Variants in SND1 observed in about 807,000 individuals in gnomAD.
The protein encoded by SND1 is staphylococcal nuclease and tudor domain containing 1.
A neutral mutation model predicts 121.7 loss-of-function variants in SND1; 38 were observed. That is an observed-to-expected ratio of 0.31 (90% CI 0.24 to 0.41). The LOEUF is 0.41. Among genes scored for constraint, SND1 ranks in the 10% least tolerant of loss-of-function variants. SND1 has a pLI of 1.00. For synonymous variants in SND1, 401 were observed against 447.4 expected (o/e 0.90, Z 1.31); for missense variants, 868 against 1,184.6 (o/e 0.73, Z 3.92).
chr7:128,011,780 AT>A (rs1410878388), intron 16 of SND1, among the ~76,000 whole-genome samples: 1 of 152,208 alleles, frequency 6.6e-6, no homozygotes, highest in Admixed American at 6.5e-5. Flanking sequence ...AAATGAACAT[AT>A]TTTTTAGAGA....
intron 12 of SND1, among the ~76,000 whole-genome samples, chr7:127,882,007 C>A (rs1334754913): frequency 6.6e-6 from 1 of 152,112 alleles, no homozygotes; most frequent in East Asian, 1.9e-4. Flanking sequence ...AATCTCAGCA[C>A]TTTGGGAGGC....
At chr7:127,699,817 A>G (rs192073606) in intron 4 of SND1, among the ~76,000 whole-genome samples, 1 of 152,334 alleles carries the variant, frequency 6.6e-6, no homozygotes, top group East Asian at 1.9e-4. Flanking sequence ...TCATAGCTGT[A>G]GGAAAGGCTT....
chr7:127,908,306 A>T (rs545206327), intron 14 of SND1, among the ~76,000 whole-genome samples: 7 of 139,760 alleles, frequency 5.0e-5, no homozygotes, highest in South Asian at 4.9e-4. Flanking sequence ...ACCAAAAAAA[A>T]AATAATAATA....
intron 11 of SND1, among the ~76,000 whole-genome samples, chr7:127,833,568 A>C (rs1243131189): frequency 6.6e-6 from 1 of 152,038 alleles, no homozygotes; most frequent in Non-Finnish European, 1.5e-5. Context: ...CCCAGCCTGA[A>C]CTGTCTTATT....
intron 12 of SND1, among the ~76,000 whole-genome samples, chr7:127,844,924 G>T (rs1799031846): frequency 6.6e-6 from 1 of 152,192 alleles, no homozygotes; most frequent in Non-Finnish European, 1.5e-5. Context: ...GGCTGAGGAA[G>T]AGTCTTTCAG....
chr7:127,976,471 A>G (rs1339437492), intron 15 of SND1, among the ~76,000 whole-genome samples: 1 of 152,216 alleles, frequency 6.6e-6, no homozygotes, highest in Non-Finnish European at 1.5e-5. Context: ...CCAGCATGAC[A>G]GTTGAAATCC....
chr7:127,856,813 T>C (rs947593118), intron 12 of SND1, among the ~76,000 whole-genome samples: 2 of 152,234 alleles, frequency 1.3e-5, no homozygotes, highest in Non-Finnish European at 2.9e-5. Flanking sequence ...AAAGGGATCA[T>C]TTTGGCATTG....
rs7794394 is a variant in SND1, at chr7:127,730,213, C to T, written c.1152+8813C>T. 9.9e-3 allele frequency among the ~76,000 whole-genome samples: 1,509 copies of T among 152,294 alleles called. 25 individuals are homozygous for T. The highest frequency in any genetic ancestry group is 0.035 in the African/African-American group (1,437 of 41,556). ...AAACTCCGACCTCAGGTGATCCACC[C>T]GCCCCGGCTTCCCAAAGTGCTGGGA... On this transcript the variant is annotated intron_variant, in intron 10 of 23. Transcript: ENST00000354725.
chr7:128,081,974 A>G (rs761971499), intron 18 of SND1: 2 of 534,606 alleles, frequency 3.7e-6, no homozygotes, highest in South Asian at 2.8e-5. Flanking sequence ...CTAGAGGTTA[A>G]CATAGCCCTG....
chr7:128,030,014 T>C, intron 16 of SND1: 1 of 1,613,170 alleles, frequency 6.2e-7, no homozygotes, highest in Non-Finnish European at 8.5e-7. Context: ...TGGGCATGTC[T>C]TTAATGTTGC....
chr7:128,074,783 C>T, intron 17 of SND1, 93 bp downstream of exon 17: 1 of 1,246,262 alleles, frequency 8.0e-7, no homozygotes, highest in African/African-American at 1.5e-5. Flanking sequence ...GAAGTTCTCT[C>T]ATCCCCACAG....
At chr7:127,848,402 A>G (rs1298959741) in intron 12 of SND1, among the ~76,000 whole-genome samples, 3 of 152,210 alleles carry the variant, frequency 2.0e-5, no homozygotes, top group South Asian at 4.1e-4. Context: ...CAGGTGTTGT[A>G]CAGTGGCTCT....
intron 12 of SND1, chr7:127,858,054 C>T: frequency 8.0e-7 from 1 of 1,250,596 alleles, no homozygotes; most frequent in Middle Eastern, 1.9e-4. Context: ...CATCTCCTGG[C>T]AACTCTGCTT....
At chr7:127,917,300 AC>A (rs1465515057) in intron 14 of SND1, among the ~76,000 whole-genome samples, 2 of 152,206 alleles carry the variant, frequency 1.3e-5, no homozygotes, top group African/African-American at 4.8e-5. Flanking sequence ...TATATTTCTA[AC>A]TACTTTAGAA....
chr7:128,006,895 G>A (rs576310013), intron 16 of SND1, among the ~76,000 whole-genome samples: 40 of 152,338 alleles, frequency 2.6e-4, no homozygotes, highest in African/African-American at 9.1e-4. Flanking sequence ...CAGCATGGAG[G>A]TCGCAGTCTT....
At chr7:127,866,404 T>C (rs1799477113) in intron 12 of SND1, among the ~76,000 whole-genome samples, 1 of 152,222 alleles carries the variant, frequency 6.6e-6, no homozygotes, top group African/African-American at 2.4e-5. Flanking sequence ...CCATCAATAA[T>C]AGCTTTGATT....
At chr7:127,742,134 TAGA>T (rs549154202) in intron 10 of SND1, among the ~76,000 whole-genome samples, 69 of 152,296 alleles carry the variant, frequency 4.5e-4, no homozygotes, top group African/African-American at 1.6e-3. Flanking sequence ...TAGGTATTCT[TAGA>T]AGAAGGATGT....
At chr7:128,046,369 T>TG (rs1329085267) in intron 16 of SND1, among the ~76,000 whole-genome samples, 1 of 145,812 alleles carries the variant, frequency 6.9e-6, no homozygotes, top group African/African-American at 2.5e-5. Context: ...TGTTGTGTTT[T>TG]TTTTTTTTTT....
At chr7:127,803,872 TTA>T (rs576245107) in intron 10 of SND1, among the ~76,000 whole-genome samples, 34 of 152,370 alleles carry the variant, frequency 2.2e-4, no homozygotes, top group African/African-American at 6.5e-4. Flanking sequence ...ATGACTGACG[TTA>T]CCTCTTCCAT....
Sources: allele counts gnomAD v4.1 joint callset (sites outside exome capture counted in the v4.1 genomes callset), GRCh38; gene constraint gnomAD v4.1.1; transcripts MANE v1.5; gene names NCBI Gene and HGNC (gene_info 2026-07-23, HGNC 2026-07-21).